The following TSHZ1 variants were observed in gnomAD, a reference collection of about 807,000 sequenced individuals.
TSHZ1 encodes the protein teashirt zinc finger homeobox 1, also known as teashirt homolog 1.
Under a neutral mutation model 67.1 loss-of-function variants are expected in TSHZ1, and 12 were observed. The observed-to-expected ratio is 0.18, with a 90% CI of 0.11 to 0.29. The LOEUF (loss-of-function observed/expected upper bound fraction) is 0.29. TSHZ1 is among the 10% of genes least tolerant of loss of function. The pLI is 1.00. For missense variants in TSHZ1, 1,305 were observed against 1,413.9 expected (o/e 0.92, Z 1.23); for synonymous variants, 632 against 622.4 (o/e 1.02, Z -0.23).
At chr18:75,233,335 CACTTT>C (rs1339893429) in intron 1 of TSHZ1, among the ~76,000 whole-genome samples, 1 of 152,188 alleles carries the variant, frequency 6.6e-6, no homozygotes, top group African/African-American at 2.4e-5. Flanking sequence ...TATTATGGCA[CACTTT>C]ACTTAGGAAA....
chr18:75,286,472 G>A lies in TSHZ1; in HGVS notation c.1065G>A (p.Ala355=), dbSNP rs147846116. The A allele has an allele frequency of 6.3e-4, 1,013 of 1,614,178 alleles. 5 individuals carry two copies. The Admixed American group carries it at 0.015, about 25-fold the overall frequency. ...TKLVPSTKKR[A]LQDLAPPCSP... ...TGGTCCCCTCCACCAAAAAGCGGGCGCTTCAGGACCTGGCGCCCCCCTGCT... is the reference window on the plus strand; with the variant it reads ...TGGTCCCCTCCACCAAAAAGCGGGCACTTCAGGACCTGGCGCCCCCCTGCT... The change falls in exon 2 of 2, where the codon GCG becomes GCA. Residue 355 remains alanine, a synonymous_variant. Transcript: ENST00000580243. This position sits in a 1 kb window ranked among gnomAD's most constrained non-coding sequence, Gnocchi z 5.1.
chr18:75,243,298 A>C (rs1164991860), intron 1 of TSHZ1, among the ~76,000 whole-genome samples: 1 of 152,142 alleles, frequency 6.6e-6, no homozygotes, highest in Non-Finnish European at 1.5e-5. Context: ...GCCATTGTTG[A>C]GTGTCTGTCG....
chr18:75,216,152 T>C (rs2022764835), intron 1 of TSHZ1, among the ~76,000 whole-genome samples: 1 of 152,252 alleles, frequency 6.6e-6, no homozygotes, highest in South Asian at 2.1e-4. Context: ...GAAACAGTTT[T>C]GAATGAAGAC....
At chr18:75,233,440 C>A (rs2023025695) in intron 1 of TSHZ1, among the ~76,000 whole-genome samples, 1 of 152,180 alleles carries the variant, frequency 6.6e-6, no homozygotes, top group Non-Finnish European at 1.5e-5. Flanking sequence ...CTAAAAAGAG[C>A]ACCCTGCCAA....
chr18:75,280,683 GT>G, intron 1 of TSHZ1: 7 of 939,094 alleles, frequency 7.5e-6, no homozygotes, highest in Non-Finnish European at 8.9e-6. Context: ...AGGTGTTTCA[GT>G]GATAACTTAG....
At chr18:75,264,591 C>A (rs552210849) in intron 1 of TSHZ1, among the ~76,000 whole-genome samples, 61 of 151,800 alleles carry the variant, frequency 4.0e-4, no homozygotes, top group Admixed American at 8.5e-4. Flanking sequence ...TAATTCTGAG[C>A]CCGAGGTGAT....
At chr18:75,226,652 C>T (rs1302615664) in intron 1 of TSHZ1, among the ~76,000 whole-genome samples, 2 of 151,558 alleles carry the variant, frequency 1.3e-5, no homozygotes, top group Admixed American at 6.6e-5. Flanking sequence ...CAGACACACT[C>T]GATGCCAAAA....
intron 1 of TSHZ1, among the ~76,000 whole-genome samples, chr18:75,243,845 A>G (rs1046927726): frequency 2.6e-5 from 4 of 152,108 alleles, no homozygotes; most frequent in Non-Finnish European, 5.9e-5. Context: ...TTTCCTCAAC[A>G]TTATTAATAG....
intron 1 of TSHZ1, among the ~76,000 whole-genome samples, chr18:75,241,211 G>C (rs1168439119): frequency 6.6e-6 from 1 of 152,200 alleles, no homozygotes; most frequent in Non-Finnish European, 1.5e-5. Context: ...ATGCACCCAA[G>C]GGCTCTGCAG....
intron 1 of TSHZ1, among the ~76,000 whole-genome samples, chr18:75,244,413 T>C (rs1302843885): frequency 6.6e-6 from 1 of 152,226 alleles, no homozygotes; most frequent in Non-Finnish European, 1.5e-5. Flanking sequence ...AGAAATGCAA[T>C]AATTTCTTAA....
At chr18:75,245,598 T>C (rs9951745) in intron 1 of TSHZ1, among the ~76,000 whole-genome samples, 3,363 of 152,302 alleles carry the variant, frequency 0.022, 124 homozygotes, top group African/African-American at 0.076. Context: ...TTTTTAAAAC[T>C]GCCAGATTTT....
At chr18:75,219,114 A>G (rs537054898) in intron 1 of TSHZ1, among the ~76,000 whole-genome samples, 1 of 152,372 alleles carries the variant, frequency 6.6e-6, no homozygotes, top group East Asian at 1.9e-4. Flanking sequence ...TTTTAATGAC[A>G]TAATATTTTA....
At chr18:75,211,953 G>C in intron 1 of TSHZ1, 37 bp downstream of exon 1, 1 of 1,201,490 alleles carries the variant, frequency 8.3e-7, no homozygotes, top group Non-Finnish European at 1.0e-6. Flanking sequence ...GGGAGTGGGC[G>C]CCGGGAGGAG....
intron 1 of TSHZ1, among the ~76,000 whole-genome samples, chr18:75,214,858 G>A (rs1221788378): frequency 6.6e-6 from 1 of 152,082 alleles, no homozygotes; most frequent in East Asian, 1.9e-4. Flanking sequence ...TTTGTGACAG[G>A]CGTAACGATT....
intron 1 of TSHZ1, among the ~76,000 whole-genome samples, chr18:75,216,896 T>C (rs548786358): frequency 6.6e-6 from 1 of 152,284 alleles, no homozygotes; most frequent in East Asian, 1.9e-4. Flanking sequence ...GACCCACTCC[T>C]GTTTCTGCCT....
chr18:75,259,630 C>T (rs1225610259), intron 1 of TSHZ1, among the ~76,000 whole-genome samples: 1 of 152,170 alleles, frequency 6.6e-6, no homozygotes, highest in Non-Finnish European at 1.5e-5. Flanking sequence ...ACTTTTATTA[C>T]AGTACATAGT....
At chr18:75,268,805 GTC>G (rs1262768717) in intron 1 of TSHZ1, among the ~76,000 whole-genome samples, 5 of 152,180 alleles carry the variant, frequency 3.3e-5, no homozygotes, top group African/African-American at 9.7e-5. Flanking sequence ...GTAGCGCGAT[GTC>G]TCTGACAGAT....
chr18:75,254,129 AT>A (rs1308465251), intron 1 of TSHZ1, among the ~76,000 whole-genome samples: 1 of 152,236 alleles, frequency 6.6e-6, no homozygotes, highest in Non-Finnish European at 1.5e-5. Context: ...GGTTTTAAAA[AT>A]GAAAATTAAA....
chr18:75,262,651 G>A (rs921182294), intron 1 of TSHZ1, among the ~76,000 whole-genome samples: 5 of 152,248 alleles, frequency 3.3e-5, no homozygotes, highest in East Asian at 1.9e-4. Context: ...CAAATGCAAC[G>A]TTCACTCTGG....
Sources: allele counts gnomAD v4.1 joint callset (sites outside exome capture counted in the v4.1 genomes callset), GRCh38; gene constraint gnomAD v4.1.1; non-coding constraint Gnocchi (gnomAD v3.1); transcripts MANE v1.5; gene names NCBI Gene and HGNC (gene_info 2026-07-23, HGNC 2026-07-21).